The following CDH13 variants were observed in gnomAD, a reference collection of about 807,000 sequenced individuals.
CDH13 encodes the protein cadherin 13, also known as cadherin-13.
A neutral mutation model predicts 63.8 loss-of-function variants in CDH13; 24 were observed. The observed-to-expected ratio is 0.38, with a 90% CI of 0.27 to 0.53. CDH13 has a LOEUF of 0.53. CDH13 is among the 20% of genes least tolerant of loss of function. CDH13 has a pLI of 0.85. For synonymous variants in CDH13, 503 were observed against 355.3 expected, an observed-to-expected ratio of 1.42 and a Z score of -4.67; for missense variants, 1,049 against 903.1, an observed-to-expected ratio of 1.16 and a Z score of -2.07.
intron 1 of CDH13, among the ~76,000 whole-genome samples, chr16:82,798,534 G>T (rs922143496): frequency 2.0e-5 from 3 of 152,186 alleles, no homozygotes; most frequent in African/African-American, 7.2e-5. Flanking sequence ...GATGATAGTA[G>T]GGTGAGCCGT....
At chr16:83,194,449 T>C (rs1436652194) in intron 4 of CDH13, among the ~76,000 whole-genome samples, 1 of 152,198 alleles carries the variant, frequency 6.6e-6, no homozygotes, top group African/African-American at 2.4e-5. Context: ...AAAACCCGAT[T>C]AGGAAGGATA....
intron 4 of CDH13, among the ~76,000 whole-genome samples, chr16:83,143,430 G>T (rs1567872633): frequency 6.6e-6 from 1 of 152,146 alleles, no homozygotes; most frequent in Non-Finnish European, 1.5e-5. Flanking sequence ...CACATTTTGT[G>T]TTGAGGAGTG....
intron 3 of CDH13, among the ~76,000 whole-genome samples, chr16:83,040,465 C>A (rs143206417): frequency 5.9e-5 from 9 of 152,232 alleles, no homozygotes; most frequent in South Asian, 2.1e-4. Context: ...GAGCTTCTGG[C>A]AAATCTCTGG....
At chr16:83,481,976 T>G (rs1209672350) in intron 6 of CDH13, among the ~76,000 whole-genome samples, 2 of 152,148 alleles carry the variant, frequency 1.3e-5, no homozygotes, top group Admixed American at 1.3e-4. Flanking sequence ...CACAGGCAAT[T>G]GGAGCAGGTG....
chr16:83,490,789 C>G (rs149975341), intron 7 of CDH13, among the ~76,000 whole-genome samples: 1 of 152,238 alleles, frequency 6.6e-6, no homozygotes, highest in African/African-American at 2.4e-5. Context: ...CCTTCCATAT[C>G]TTAAGCTCCG....
intron 11 of CDH13, among the ~76,000 whole-genome samples, chr16:83,752,286 T>C (rs973224450): frequency 6.6e-6 from 1 of 152,216 alleles, no homozygotes; most frequent in African/African-American, 2.4e-5. Flanking sequence ...ATACTTGAAT[T>C]GTTACCAGAA....
intron 2 of CDH13, among the ~76,000 whole-genome samples, chr16:82,947,124 G>C (rs1251436064): frequency 6.6e-6 from 1 of 151,816 alleles, no homozygotes; most frequent in Non-Finnish European, 1.5e-5. Flanking sequence ...GCTAGTTGAT[G>C]TCAGTAATGA....
At chr16:83,264,506 A>ATG in intron 5 of CDH13, among the ~76,000 whole-genome samples, 1 of 151,234 alleles carries the variant, frequency 6.6e-6, no homozygotes, top group East Asian at 2.0e-4. Flanking sequence ...ATACACATGT[A>ATG]TGTGTGTGTA....
chr16:83,079,444 G>A (rs922798429), intron 3 of CDH13, among the ~76,000 whole-genome samples: 6 of 152,158 alleles, frequency 3.9e-5, no homozygotes, highest in Non-Finnish European at 7.3e-5. Flanking sequence ...GCTCAAGCTT[G>A]CTCATCTGTA....
At chr16:82,950,451 G>T (rs1905175920) in intron 2 of CDH13, among the ~76,000 whole-genome samples, 2 of 152,072 alleles carry the variant, frequency 1.3e-5, no homozygotes, top group Admixed American at 1.3e-4. Context: ...TTGAATCATG[G>T]GGGTGGTTTC....
At chr16:83,378,376 G>C (rs974201552) in intron 6 of CDH13, among the ~76,000 whole-genome samples, 1 of 152,146 alleles carries the variant, frequency 6.6e-6, no homozygotes, top group African/African-American at 2.4e-5. Flanking sequence ...GGTGCCCTGA[G>C]AAAAACACAT....
At chr16:83,146,206 A>AAAGAAAG (rs1555603449) in intron 4 of CDH13, among the ~76,000 whole-genome samples, 1 of 147,760 alleles carries the variant, frequency 6.8e-6, no homozygotes, top group Admixed American at 6.6e-5. Context: ...AAAAAAAAAA[A>AAAGAAAG]AAAAGAAAAG....
chr16:83,558,907 G>T (rs1257410463), intron 7 of CDH13, among the ~76,000 whole-genome samples: 1 of 152,076 alleles, frequency 6.6e-6, no homozygotes, highest in African/African-American at 2.4e-5. Flanking sequence ...AGTCACATCG[G>T]GTCCTCTGTA....
chr16:83,396,777 T>TGATGAC (rs59645385), intron 6 of CDH13: 1 of 151,312 alleles, frequency 6.6e-6, no homozygotes, highest in African/African-American at 2.4e-5. Context: ...ATGATGATGA[T>TGATGAC]AGGAACATTA....
At chr16:83,380,671 G>T (rs183265657) in intron 6 of CDH13, among the ~76,000 whole-genome samples, 2 of 152,154 alleles carry the variant, frequency 1.3e-5, no homozygotes, top group African/African-American at 4.8e-5. Flanking sequence ...CAAGGTGGCT[G>T]ATTGGAGCTC....
chr16:83,471,147 C>G (rs2073442101), intron 6 of CDH13, among the ~76,000 whole-genome samples: 2 of 152,036 alleles, frequency 1.3e-5, no homozygotes, highest in Admixed American at 1.3e-4. Context: ...AGGATAAGCC[C>G]CTCATCTCAA....
At chr16:83,537,623 C>G (rs910928901) in intron 7 of CDH13, among the ~76,000 whole-genome samples, 5 of 144,964 alleles carry the variant, frequency 3.4e-5, no homozygotes, top group Non-Finnish European at 7.6e-5. Context: ...ACAGAAGCTT[C>G]TTAGACATTA....
At chr16:83,646,750 C>A (rs1358837204) in intron 8 of CDH13, among the ~76,000 whole-genome samples, 1 of 143,724 alleles carries the variant, frequency 7.0e-6, no homozygotes, top group Non-Finnish European at 1.5e-5. Flanking sequence ...GTTGTGTTTG[C>A]ATCCTGTTAT....
intron 1 of CDH13, among the ~76,000 whole-genome samples, chr16:82,792,040 C>T (rs540599056): frequency 9.2e-5 from 14 of 152,276 alleles, no homozygotes; most frequent in African/African-American, 2.4e-4. Context: ...TGGTTTTTGG[C>T]ACCCGCTGCT....
Sources: gnomAD v4.1 joint callset for allele counts (sites outside exome capture counted in the v4.1 genomes callset) on GRCh38, gnomAD v4.1.1 for gene constraint, MANE v1.5 for transcripts, NCBI Gene and HGNC (gene_info 2026-07-23, HGNC 2026-07-21) for gene names.